PPP2R2D: variants seen among roughly 807,000 people sequenced by gnomAD.
The protein encoded by PPP2R2D is serine/threonine-protein phosphatase 2A 55 kDa regulatory subunit B delta isoform.
Under a neutral mutation model 31.1 loss-of-function variants are expected in PPP2R2D, and 9 were observed. That is an observed-to-expected ratio of 0.29 (90% confidence interval 0.17 to 0.51). PPP2R2D has a LOEUF of 0.51. Among genes scored for constraint, PPP2R2D ranks in the 20% least tolerant of loss-of-function variants. The probability of loss-of-function intolerance (pLI) is 0.98; values close to 1 mark genes in which losing one functional copy is unlikely to be tolerated. For synonymous variants in PPP2R2D, 179 were observed against 172.6 expected, an observed-to-expected ratio of 1.04 and a Z score of -0.29; for missense variants, 391 against 465.6, an observed-to-expected ratio of 0.84 and a Z score of 1.48.
At chr10:131,933,553 G>C (rs759885675) in intron 2 of PPP2R2D, among the ~76,000 whole-genome samples, 2 of 152,156 alleles carry the variant, frequency 1.3e-5, no homozygotes, top group Admixed American at 6.5e-5. Flanking sequence ...GACAAGCTCT[G>C]ATGGCCCCTC....
chr10:131,947,404 A>G lies in PPP2R2D; in HGVS notation c.821-126A>G. On this transcript the variant is annotated intron_variant, in intron 7 of 8. Coordinates refer to ENST00000455566, the MANE Select transcript of PPP2R2D (RefSeq NM_018461.5). This position sits in a 1 kb window ranked among gnomAD's most constrained non-coding sequence, Gnocchi z 4.3. ...AACCTAGAGAATCAGAAAGATCAGA[A>G]GACCTAGTGTTGAGGCCAAGCCCTT... 6 of 928,604 alleles carry G rather than the reference A, an allele frequency of 6.5e-6. No individual in the cohort carries two copies. Among genetic ancestry groups the G allele is most frequent in the Non-Finnish European group, 9.5e-6 (6 of 634,426 alleles). The allele number at this position is 928,604 out of a possible 1,614,324, so 57.5% of individuals were successfully genotyped here.
chr10:131,910,809 G>A (rs891904755), intron 2 of PPP2R2D, among the ~76,000 whole-genome samples: 67 of 152,302 alleles, frequency 4.4e-4, no homozygotes, highest in African/African-American at 1.6e-3. Context: ...TTTCAGCCCC[G>A]ATCCCCAACC....
chr10:131,902,491 A>G (rs2035516686), intron 2 of PPP2R2D, among the ~76,000 whole-genome samples: 1 of 152,226 alleles, frequency 6.6e-6, no homozygotes, highest in Non-Finnish European at 1.5e-5. Flanking sequence ...GGCCTAGGTT[A>G]TTAAGCAGGT....
At chr10:131,936,982 C>T (rs1250323408) in intron 3 of PPP2R2D, among the ~76,000 whole-genome samples, 1 of 152,218 alleles carries the variant, frequency 6.6e-6, no homozygotes, top group Non-Finnish European at 1.5e-5. Flanking sequence ...CCGGAGGCCG[C>T]GGATGGTGTT....
chr10:131,909,179 A>G (rs1362868792), intron 2 of PPP2R2D, among the ~76,000 whole-genome samples: 5 of 152,272 alleles, frequency 3.3e-5, no homozygotes, highest in Admixed American at 2.6e-4. Context: ...GTATGTTCTG[A>G]GAGGTCAGTG....
At chr10:131,936,915 C>T (rs2036352624) in intron 3 of PPP2R2D, among the ~76,000 whole-genome samples, 1 of 152,224 alleles carries the variant, frequency 6.6e-6, no homozygotes, top group South Asian at 2.1e-4. Flanking sequence ...TGTGCCCTTC[C>T]CTGTGGACTT....
At chr10:131,928,441 C>G (rs1346072308) in intron 2 of PPP2R2D, among the ~76,000 whole-genome samples, 1 of 152,248 alleles carries the variant, frequency 6.6e-6, no homozygotes, top group Non-Finnish European at 1.5e-5. Context: ...TTTGTTTTGA[C>G]AATGACTCAG....
rs2036520178 is a variant in PPP2R2D, at chr10:131,945,465, T to C, written c.820+6T>C. ...GTGCGACAGACACTCCAAGTGTAAG[T>C]GCGTCTGTTGTTGAGATGGAGTCTG... is the stretch of plus-strand genomic sequence containing the variant. On this transcript the variant is annotated splice_donor_region_variant and intron_variant, in intron 7 of 8. Transcript: ENST00000455566. The surrounding 1 kb of genome is among the most constrained non-coding windows in gnomAD (Gnocchi z 4.8). The C allele has an allele frequency of 6.3e-6, 10 of 1,599,258 alleles. No homozygotes were observed. Among genetic ancestry groups the C allele is most frequent in the Non-Finnish European group, 8.5e-6 (10 of 1,169,784 alleles).
At chr10:131,914,041 A>G (rs1301268210) in intron 2 of PPP2R2D, among the ~76,000 whole-genome samples, 1 of 152,242 alleles carries the variant, frequency 6.6e-6, no homozygotes, top group Non-Finnish European at 1.5e-5. Flanking sequence ...TGGGTGAGTC[A>G]CCATACCTGC....
chr10:131,920,474 CAT>C (rs1338220466), intron 2 of PPP2R2D, among the ~76,000 whole-genome samples: 1 of 152,248 alleles, frequency 6.6e-6, no homozygotes, highest in African/African-American at 2.4e-5. Flanking sequence ...GACATAATGA[CAT>C]AGTGTTTGTC....
rs144408860 is a variant in PPP2R2D at position 131,946,725 on chromosome 10, C to T, written c.821-805C>T. Among the ~76,000 whole-genome samples, 577 of 152,262 alleles carry T rather than the reference C, an allele frequency of 3.8e-3. 5 individuals carry two copies. The highest frequency in any genetic ancestry group is 0.013 in the African/African-American group (544 of 41,524). On this transcript the variant is annotated intron_variant, in intron 7 of 8. Coordinates refer to ENST00000455566, the MANE Select transcript of PPP2R2D (RefSeq NM_018461.5). ...TAATTTCAGATGCTAAGCCGACAAA[C>T]ACAGGCTCCTGCATCAAGAAAAAAG...
intron 3 of PPP2R2D, among the ~76,000 whole-genome samples, chr10:131,937,516 C>G (rs2036365634): frequency 6.6e-6 from 1 of 151,958 alleles, no homozygotes; most frequent in African/African-American, 2.4e-5. Flanking sequence ...CAGAGCGGCA[C>G]TCCATGAGAT....
In PPP2R2D at chr10:131,901,992, G is replaced by A. The variant is rs949463389; in HGVS notation, c.100+662G>A. 5.3e-5 allele frequency among the ~76,000 whole-genome samples: 8 copies of A among 152,156 alleles called. No individual in the cohort carries two copies. In the East Asian group the frequency reaches 1.5e-3, roughly 29 times the overall value. ...TCATGGTATTACTTGAAGTTCACTG[G>A]TCTTTTCCTTAAATCATACTCTCAA... On this transcript the variant is annotated intron_variant, in intron 2 of 8. Coordinates refer to ENST00000455566, the MANE Select transcript of PPP2R2D (RefSeq NM_018461.5).
downstream of PPP2R2D, among the ~76,000 whole-genome samples, chr10:131,961,801 G>C (rs2036923601): frequency 6.6e-6 from 1 of 151,702 alleles, no homozygotes; most frequent in Non-Finnish European, 1.5e-5. Flanking sequence ...TCATACCCAG[G>C]ACGGGAACCC....
In PPP2R2D at chr10:131,956,557, T is replaced by G. The variant is rs2036804040; in HGVS notation, c.*594T>G. ...AAGTGTTTTTAAATCCAAACAGAAG[T>G]ATTGTCTTTTTATTTAATTTTATTG... On this transcript the variant is annotated 3_prime_UTR_variant, in exon 9 of 9. Transcript: ENST00000455566. The G allele has an allele frequency of 1.4e-5, 14 of 984,926 alleles. No homozygotes were observed. Among genetic ancestry groups the G allele is most frequent in the Non-Finnish European group, 1.7e-5 (14 of 829,642 alleles). 61.0% of individuals were successfully genotyped at this position (984,926 alleles called of 1,614,324 possible). A position where few individuals can be genotyped will look rare whatever the true frequency, so the allele number is the denominator to read the frequency against.
intron 2 of PPP2R2D, among the ~76,000 whole-genome samples, chr10:131,925,409 T>G (rs552799839): frequency 2.0e-5 from 3 of 152,256 alleles, no homozygotes; most frequent in Non-Finnish European, 4.4e-5. Context: ...GACCATGTGG[T>G]CTTTGTCCTT....
chr10:131,907,826 T>C (rs2035622171), intron 2 of PPP2R2D, among the ~76,000 whole-genome samples: 1 of 152,182 alleles, frequency 6.6e-6, no homozygotes, highest in Admixed American at 6.5e-5. Flanking sequence ...CTGGTCATCG[T>C]TACATCGTGA....
chr10:131,907,113 G>T (rs2035602259), intron 2 of PPP2R2D, among the ~76,000 whole-genome samples: 1 of 151,910 alleles, frequency 6.6e-6, no homozygotes, highest in Admixed American at 6.6e-5. Flanking sequence ...ATGAAATACG[G>T]TGTTGGTGAA....
chr10:131,948,813 G>C (rs748809333), intron 8 of PPP2R2D, among the ~76,000 whole-genome samples: 12 of 152,266 alleles, frequency 7.9e-5, no homozygotes, highest in Non-Finnish European at 1.6e-4. Flanking sequence ...CTGAAGCCTT[G>C]GCCCACACGA....
Sources: gnomAD v4.1 joint callset for allele counts (sites outside exome capture counted in the v4.1 genomes callset) on GRCh38, gnomAD v4.1.1 for gene constraint, Gnocchi (gnomAD v3.1) non-coding constraint, MANE v1.5 for transcripts, NCBI Gene and HGNC (gene_info 2026-07-23, HGNC 2026-07-21) for gene names.